The following PRDM16 variants were observed in gnomAD, a reference collection of about 807,000 sequenced individuals.
PRDM16 encodes the protein PR/SET domain 16.
Under a neutral mutation model 110.6 loss-of-function variants are expected in PRDM16, and 23 were observed. That is an observed-to-expected ratio of 0.21 (90% CI 0.15 to 0.29). PRDM16 has a LOEUF of 0.29. Ranked by LOEUF, PRDM16 falls within the 10% of genes least tolerant of loss-of-function variation. The pLI is 1.00. For synonymous variants in PRDM16, 799 were observed against 781.8 expected, an observed-to-expected ratio of 1.02 and a Z score of -0.37; for missense variants, 1,615 against 1,794.3, an observed-to-expected ratio of 0.90 and a Z score of 1.81.
intron 1 of PRDM16, among the ~76,000 whole-genome samples, chr1:3,123,692 G>T (rs1309286069): frequency 6.6e-6 from 1 of 152,356 alleles, no homozygotes; most frequent in Admixed American, 6.5e-5. Context: ...CAGGAGATGC[G>T]GCTGTGAGGG....
intron 3 of PRDM16, among the ~76,000 whole-genome samples, chr1:3,368,617 G>A (rs1231892179): frequency 6.6e-6 from 1 of 152,230 alleles, no homozygotes; most frequent in Non-Finnish European, 1.5e-5. Context: ...AGTCACCAGG[G>A]AGGTGTCCTG....
At chr1:3,240,691 G>A (rs78490349) in intron 2 of PRDM16, among the ~76,000 whole-genome samples, 2 of 152,204 alleles carry the variant, frequency 1.3e-5, no homozygotes, top group African/African-American at 4.8e-5. Flanking sequence ...ATCCATTTGT[G>A]GCACCAAACA....
chr1:3,092,672 G>A (rs1275183637), intron 1 of PRDM16, among the ~76,000 whole-genome samples: 4 of 152,128 alleles, frequency 2.6e-5, no homozygotes, highest in Admixed American at 2.6e-4. Flanking sequence ...GCTGGATGGC[G>A]CCTGGGTGCG....
intron 2 of PRDM16, among the ~76,000 whole-genome samples, chr1:3,239,911 G>A (rs1639621480): frequency 6.6e-6 from 1 of 151,846 alleles, no homozygotes; most frequent in Non-Finnish European, 1.5e-5. Flanking sequence ...TAGAGCCACT[G>A]CACTCTAGCC....
In PRDM16 at chr1:3,157,184, G is replaced by C. The variant is rs963676828; in HGVS notation, c.38-28941G>C. ...GGGCGGGACCTGGAGAAGGAGGGCC[G>C]CTCGGCAACCGCTGAGCCGGCGCAA... On this transcript the variant is annotated intron_variant, in intron 1 of 16. Transcript: ENST00000270722. This position sits in a 1 kb window ranked among gnomAD's most constrained non-coding sequence, Gnocchi z 4.8. Among the ~76,000 whole-genome samples the C allele has an allele frequency of 6.6e-6, 1 of 152,112 alleles. No individual in the cohort carries two copies. Among genetic ancestry groups the C allele is most frequent in the Non-Finnish European group, 1.5e-5 (1 of 68,004 alleles).
intron 1 of PRDM16, among the ~76,000 whole-genome samples, chr1:3,097,085 G>A (rs1264791751): frequency 3.3e-5 from 5 of 152,112 alleles, no homozygotes; most frequent in South Asian, 4.1e-4. Flanking sequence ...GTCAGACAGC[G>A]CTTCACCCAG....
intron 12 of PRDM16, among the ~76,000 whole-genome samples, chr1:3,422,117 AT>A (rs1201193448): frequency 6.8e-6 from 1 of 147,590 alleles, no homozygotes; most frequent in African/African-American, 2.5e-5. Context: ...GGACAGACAG[AT>A]GGACAGACAG....
chr1:3,248,424 C>A (rs1296981178), intron 3 of PRDM16, among the ~76,000 whole-genome samples: 4 of 152,184 alleles, frequency 2.6e-5, no homozygotes, highest in Non-Finnish European at 4.4e-5. Flanking sequence ...TTCTCTTCCC[C>A]TCCGCTTCTC....
chr1:3,413,794 A>G (rs542749855), intron 9 of PRDM16, among the ~76,000 whole-genome samples: 20 of 152,338 alleles, frequency 1.3e-4, no homozygotes, highest in Non-Finnish European at 2.1e-4. Flanking sequence ...CCACCAGGCC[A>G]AAGGAGGGTC....
At chr1:3,427,266 C>G (rs1638637353) in intron 14 of PRDM16, among the ~76,000 whole-genome samples, 1 of 152,216 alleles carries the variant, frequency 6.6e-6, no homozygotes, top group Non-Finnish European at 1.5e-5. Context: ...AAAGCTAACA[C>G]CAGCCAGCTG....
intron 1 of PRDM16, among the ~76,000 whole-genome samples, chr1:3,125,817 G>A (rs2472820): frequency 0.26 from 38,858 of 152,152 alleles, 5,658 homozygotes; most frequent in East Asian, 0.53. Context: ...CGCGGCCAAG[G>A]GTGCAGGTCC....
chr1:3,273,976 TAAAAAA>T (rs927412647), intron 3 of PRDM16, among the ~76,000 whole-genome samples: 5 of 68,532 alleles, frequency 7.3e-5, no homozygotes, highest in African/African-American at 1.9e-4. Flanking sequence ...TATGGGGAGG[TAAAAAA>T]AAAAAAAAAA....
chr1:3,311,871 G>A (rs1427117714), intron 3 of PRDM16, among the ~76,000 whole-genome samples: 3 of 152,198 alleles, frequency 2.0e-5, no homozygotes, highest in African/African-American at 7.2e-5. Context: ...CCCACCCTGG[G>A]TCCAGAGGGG....
rs533806861 is a variant in PRDM16 at position 3,339,496 on chromosome 1, T to G, written c.439-45656T>G. On this transcript the variant is annotated intron_variant, in intron 3 of 16. Coordinates refer to ENST00000270722, the MANE Select transcript of PRDM16 (RefSeq NM_022114.4). The surrounding 1 kb of genome is among the most constrained non-coding windows in gnomAD (Gnocchi z 5.0). ...CACAGGGGCTTCCTGGAGGAAGTGCTACTTAGGCTGGGATTTCAAGAGCAA... is the reference window on the plus strand; with the variant it reads ...CACAGGGGCTTCCTGGAGGAAGTGCGACTTAGGCTGGGATTTCAAGAGCAA... Among the ~76,000 whole-genome samples the G allele has an allele frequency of 1.2e-4, 18 of 152,098 alleles. No individual in the cohort carries two copies. In the East Asian group the frequency reaches 3.5e-3, roughly 30 times the overall value.
rs540219580 is a variant in PRDM16 at position 3,122,627 on chromosome 1, G to A, written c.37+53331G>A. ...ATTATACGAGTGGAAAAAATGAACC[G>A]TCTCGACTCAGCAAATACCGCAGCC... On this transcript the variant is annotated intron_variant, in intron 1 of 16. Coordinates refer to ENST00000270722, the MANE Select transcript of PRDM16 (RefSeq NM_022114.4). 4.6e-5 allele frequency among the ~76,000 whole-genome samples: 7 copies of A among 152,164 alleles called. 1 individual carries two copies. The South Asian group carries it at 1.0e-3, about 23-fold the overall frequency.
chr1:3,268,286 G>A (rs189832975), intron 3 of PRDM16, among the ~76,000 whole-genome samples: 109 of 152,360 alleles, frequency 7.2e-4, no homozygotes, highest in Non-Finnish European at 9.3e-4. Context: ...CAGAGTCTTT[G>A]TCAGGCTCCG....
At chr1:3,158,614 A>G (rs965234815) in intron 1 of PRDM16, among the ~76,000 whole-genome samples, 2 of 152,042 alleles carry the variant, frequency 1.3e-5, no homozygotes, top group African/African-American at 4.8e-5. Context: ...ATGGGGGGAA[A>G]AGAGGAGACT....
chr1:3,238,538 T>C (rs2249336), intron 2 of PRDM16, among the ~76,000 whole-genome samples: 41,842 of 152,092 alleles, frequency 0.28, 7,868 homozygotes, highest in African/African-American at 0.52. Flanking sequence ...ATAAATATTA[T>C]CCTACTCCCG....
intron 1 of PRDM16, among the ~76,000 whole-genome samples, chr1:3,074,122 C>T (rs893994481): frequency 6.6e-6 from 1 of 152,232 alleles, no homozygotes; most frequent in Non-Finnish European, 1.5e-5. Flanking sequence ...TCCGCAGCCC[C>T]GGCCCCTGCC....
Sources: allele counts gnomAD v4.1 joint callset (sites outside exome capture counted in the v4.1 genomes callset), GRCh38; gene constraint gnomAD v4.1.1; non-coding constraint Gnocchi (gnomAD v3.1); transcripts MANE v1.5; gene names NCBI Gene and HGNC (gene_info 2026-07-23, HGNC 2026-07-21).